The following XPO1 variants were observed in gnomAD, a reference collection of about 807,000 sequenced individuals.
XPO1 encodes exportin-1.
A neutral mutation model predicts 133.3 loss-of-function variants in XPO1; 5 were observed. The observed-to-expected ratio is 0.04, with a 90% CI of 0.02 to 0.08. The LOEUF (loss-of-function observed/expected upper bound fraction) is 0.08, where lower values mean the gene tolerates loss of function less well. XPO1 is among the 10% of genes least tolerant of loss of function. XPO1 has a pLI of 1.00. For synonymous variants in XPO1, 419 were observed against 408.2 expected, an observed-to-expected ratio of 1.03 and a Z score of -0.32; for missense variants, 506 against 1,267.5, an observed-to-expected ratio of 0.40 and a Z score of 9.12.
intron 4 of XPO1, among the ~76,000 whole-genome samples, chr2:61,516,488 C>T (rs889339584): frequency 5.3e-5 from 8 of 151,958 alleles, no homozygotes; most frequent in African/African-American, 1.9e-4. Context: ...GATCTCAGCT[C>T]ACCGCGACCT....
At chr2:61,534,045 T>G (rs1699265979) in intron 1 of XPO1, 142 bp from the exon 2 acceptor site, 3 of 804,186 alleles carry the variant, frequency 3.7e-6, no homozygotes, top group South Asian at 7.8e-5. Flanking sequence ...AAAACTGAGA[T>G]AGTAAAAGCA....
Position 61,532,073 on chromosome 2 carries a change from A to C in XPO1, c.126+1699T>G, listed in dbSNP as rs762243372. Among the ~76,000 whole-genome samples the C allele has an allele frequency of 2.6e-5, 4 of 152,288 alleles. No homozygotes were observed. In the South Asian group the frequency reaches 8.3e-4, roughly 32 times the overall value. ...AAAGATAGTACTGTATCCACCTTAT[A>C]TATTTTCAGAAAGTGTAATGGCACT... On this transcript the variant is annotated intron_variant, in intron 2 of 24. Coordinates refer to ENST00000401558, the MANE Select transcript of XPO1 (RefSeq NM_003400.4).
intron 20 of XPO1, 161 bp from the exon 21 acceptor site, chr2:61,484,266 C>A: frequency 3.4e-6 from 2 of 585,232 alleles, no homozygotes; most frequent in East Asian, 5.9e-5. Context: ...AAATACAATC[C>A]ACCTCTCACG....
intron 4 of XPO1, among the ~76,000 whole-genome samples, chr2:61,510,906 C>A (rs1170812268): frequency 1.3e-5 from 2 of 150,304 alleles, no homozygotes; most frequent in African/African-American, 4.9e-5. Context: ...CCACTGCACT[C>A]CAGCTTGGGC....
intron 22 of XPO1, 72 bp from the exon 23 acceptor site, chr2:61,482,611 TG>T (rs1186308081): frequency 3.3e-5 from 42 of 1,286,006 alleles, no homozygotes; most frequent in Middle Eastern, 5.7e-4. Flanking sequence ...TTTTTTGTTT[TG>T]TTTTTTTTTT....
At chr2:61,504,528 A>G (rs996799948) in intron 4 of XPO1, among the ~76,000 whole-genome samples, 3 of 152,248 alleles carry the variant, frequency 2.0e-5, no homozygotes, top group African/African-American at 7.2e-5. Flanking sequence ...CAGTTAAATT[A>G]TGAAGATTTT....
intron 24 of XPO1, among the ~76,000 whole-genome samples, chr2:61,479,863 A>G (rs1696249954): frequency 6.6e-6 from 1 of 151,558 alleles, no homozygotes; most frequent in Admixed American, 6.6e-5. Flanking sequence ...GCACCCAGAC[A>G]CTTTTTTCTC....
At chr2:61,501,371 T>G (rs568502544) in intron 6 of XPO1, among the ~76,000 whole-genome samples, 1 of 152,076 alleles carries the variant, frequency 6.6e-6, no homozygotes, top group South Asian at 2.1e-4. Flanking sequence ...GACGAGGAAA[T>G]CAAAGGACTC....
At chr2:61,500,648 A>G (rs1049596732) in intron 6 of XPO1, among the ~76,000 whole-genome samples, 7 of 151,522 alleles carry the variant, frequency 4.6e-5, no homozygotes, top group Non-Finnish European at 1.0e-4. Flanking sequence ...AAAATACAAA[A>G]ATTAGCCAGG....
chr2:61,513,796 C>G (rs1698215985), intron 4 of XPO1, among the ~76,000 whole-genome samples: 1 of 152,104 alleles, frequency 6.6e-6, no homozygotes. Context: ...AAGCCACAGA[C>G]AAAACACTTG....
At chr2:61,530,673 T>C (rs181420109) in intron 2 of XPO1, among the ~76,000 whole-genome samples, 8 of 151,970 alleles carry the variant, frequency 5.3e-5, no homozygotes, top group Non-Finnish European at 7.4e-5. Flanking sequence ...TGTCTACAGA[T>C]TAAAAGTCAC....
chr2:61,526,087 TG>T, intron 3 of XPO1: 1 of 1,128,184 alleles, frequency 8.9e-7, no homozygotes, highest in Non-Finnish European at 1.1e-6. Context: ...ATTGATTACT[TG>T]CCCAAAATAA....
rs537635102 is a variant in XPO1, at chr2:61,533,961, T to C, written c.-6-58A>G. Reference sequence around the variant, plus strand: ...ATCAAGTTTTGGTATTATCAAAAACTTCCTACAAGTTATTTTACTTCAACC... The same window carrying C: ...ATCAAGTTTTGGTATTATCAAAAACCTCCTACAAGTTATTTTACTTCAACC... On this transcript the variant is annotated intron_variant, in intron 1 of 24. Transcript: ENST00000401558. 1.5e-5 allele frequency: 21 copies of C among 1,356,294 alleles called. No homozygotes were observed. In the Admixed American group the frequency reaches 2.4e-4, roughly 15 times the overall value. The allele number at this position is 1,356,294 out of a possible 1,614,324, so 84.0% of individuals were successfully genotyped here.
intron 10 of XPO1, 70 bp downstream of exon 10, chr2:61,496,809 T>C: frequency 1.5e-6 from 2 of 1,350,648 alleles, no homozygotes; most frequent in Non-Finnish European, 1.9e-6. Context: ...CTAAAATAAC[T>C]CATTTGGAAT....
intron 2 of XPO1, among the ~76,000 whole-genome samples, chr2:61,526,755 T>C (rs1399749941): frequency 6.6e-6 from 1 of 151,618 alleles, no homozygotes; most frequent in South Asian, 2.1e-4. Flanking sequence ...TCACCCAGGC[T>C]GGACTGCAGT....
chr2:61,505,601 C>CA lies in XPO1; in HGVS notation c.302-3292dup, dbSNP rs201723552. Among the ~76,000 whole-genome samples the CA allele has an allele frequency of 3.4e-3, 517 of 152,164 alleles. 1 individual carries two copies. Among genetic ancestry groups the CA allele is most frequent in the African/African-American group, 0.011 (446 of 41,518 alleles). Reference sequence around the variant, plus strand: ...TTTGAGACAGAGCCTCACTGTACCCCAGATTGGTGTGCAGTGGCGTGATCT... The same window carrying CA: ...TTTGAGACAGAGCCTCACTGTACCCCAAGATTGGTGTGCAGTGGCGTGATCT... On this transcript the variant is annotated intron_variant, in intron 4 of 24. Coordinates refer to ENST00000401558, the MANE Select transcript of XPO1 (RefSeq NM_003400.4).
At chr2:61,496,429 C>T (rs535920665) in intron 10 of XPO1, among the ~76,000 whole-genome samples, 19 of 152,090 alleles carry the variant, frequency 1.2e-4, no homozygotes, top group Non-Finnish European at 2.4e-4. Context: ...TGGCTGGTCT[C>T]GAACTCCTGG....
intron 1 of XPO1, among the ~76,000 whole-genome samples, chr2:61,535,897 C>A (rs181905822): frequency 6.6e-6 from 1 of 152,208 alleles, no homozygotes; most frequent in Non-Finnish European, 1.5e-5. Context: ...TTTAAAAGAT[C>A]AGAACAATCT....
chr2:61,480,201 T>A (rs1558623740), intron 24 of XPO1: 1 of 152,050 alleles, frequency 6.6e-6, no homozygotes, highest in East Asian at 1.9e-4. Context: ...AAGAAAGATG[T>A]TTCTCCTAAG....
Sources: gnomAD v4.1 joint callset for allele counts (sites outside exome capture counted in the v4.1 genomes callset) on GRCh38, gnomAD v4.1.1 for gene constraint, MANE v1.5 for transcripts, NCBI Gene and HGNC (gene_info 2026-07-23, HGNC 2026-07-21) for gene names.